TAGLN2: variants seen among roughly 807,000 people sequenced by gnomAD.
The protein encoded by TAGLN2 is transgelin-2.
Under a neutral mutation model 24.9 loss-of-function variants are expected in TAGLN2, and 14 were observed. The ratio of observed to expected loss-of-function variants is 0.56; its 90% confidence interval spans 0.37 to 0.88. The LOEUF (loss-of-function observed/expected upper bound fraction) is 0.88, where lower values mean the gene tolerates loss of function less well. TAGLN2 is among the 40% of genes least tolerant of loss of function. TAGLN2 has a pLI of 0.00. For synonymous variants in TAGLN2, 77 were observed against 98.2 expected, an observed-to-expected ratio of 0.78 and a Z score of 1.28; for missense variants, 208 against 258.9, an observed-to-expected ratio of 0.80 and a Z score of 1.35.
In TAGLN2 at chr1:159,920,420, C is replaced by T; in HGVS notation, c.90G>A (p.Leu30=). 1 of 1,614,224 alleles carries T rather than the reference C, an allele frequency of 6.2e-7. No homozygotes were observed. Among genetic ancestry groups the T allele is most frequent in the Non-Finnish European group, 8.5e-7 (1 of 1,180,052 alleles). Reference sequence around the variant, plus strand: ...GGCACTGGGTGGTGATCCACTGGATCAGGATCTGCTCCAGATCTGCATCAT... The same window carrying T: ...GGCACTGGGTGGTGATCCACTGGATTAGGATCTGCTCCAGATCTGCATCAT... ...KQYDADLEQI[L]IQWITTQCRK... Residue 30 remains leucine (L), a synonymous_variant, in exon 2 of 5, where the codon CTG becomes CTA. Transcript: ENST00000368097.
intron 3 of TAGLN2, 121 bp from the exon 4 acceptor site, chr1:159,919,497 T>A: frequency 7.6e-7 from 1 of 1,323,870 alleles, no homozygotes; most frequent in Non-Finnish European, 1.1e-6. Context: ...TTCCATACCC[T>A]TCTCCATTCC....
intron 3 of TAGLN2, 44 bp from the exon 4 acceptor site, chr1:159,919,420 G>A: frequency 6.3e-7 from 1 of 1,591,254 alleles, no homozygotes; most frequent in Non-Finnish European, 8.6e-7. Context: ...CAGTGTCCTA[G>A]ATACCAGGGT....
rs1650464724 is a variant in TAGLN2 at position 159,919,737 on chromosome 1, G to T, written c.279C>A (p.Ile93=). Residue 93 remains isoleucine, a synonymous_variant, in exon 3 of 5, where the codon ATC becomes ATA. Coordinates refer to ENST00000368097, the MANE Select transcript of TAGLN2 (RefSeq NM_003564.3). The part of the protein sequence containing the change: ...STMAFKQMEQ[I]SQFLQAAERY... ...GCTCAGCTGCTTGCAGGAACTGAGA[G>T]ATCTGCTCCATCTGCTTGAAGGCCA... 3 of 1,613,978 alleles carry T rather than the reference G, an allele frequency of 1.9e-6. No individual in the cohort carries two copies. In the East Asian group the frequency reaches 6.7e-5, roughly 36 times the overall value.
chr1:159,920,320 C>T lies in TAGLN2; in HGVS notation c.180+10G>A, dbSNP rs201338106. On this transcript the variant is annotated intron_variant, in intron 2 of 4. Transcript: ENST00000368097. ...CCTGCACTTCCAAGCCAGTGGGGCC[C>T]GGCTCTCACCGTGCCATCCTTGAGC... 1.9e-5 allele frequency: 30 copies of T among 1,614,066 alleles called. No individual in the cohort carries two copies. Among genetic ancestry groups the T allele is most frequent in the Middle Eastern group, 1.6e-4 (1 of 6,084 alleles).
At chr1:159,919,165 A>G (rs2101864751) in intron 4 of TAGLN2, 109 bp downstream of exon 4, 1 of 1,305,852 alleles carries the variant, frequency 7.7e-7, no homozygotes, top group East Asian at 2.3e-5. Context: ...ATTTTCTGAA[A>G]GTGCTTTGTA....
Position 159,918,611 on chromosome 1 carries a change from A to C in TAGLN2, c.*189T>G. On this transcript the variant is annotated 3_prime_UTR_variant, in exon 5 of 5. Transcript: ENST00000368097. ...AGTTTTGATGGCTATGGGGAAGGGA[A>C]TGTATTAGTAAGCATGGGGGAGAGG... 4.1e-6 allele frequency: 3 copies of C among 732,908 alleles called. No individual in the cohort carries two copies. Among genetic ancestry groups the C allele is most frequent in the Non-Finnish European group, 6.5e-6 (3 of 462,722 alleles). 45.4% of individuals were successfully genotyped at this position (732,908 alleles called of 1,614,324 possible).
rs751828913 is a variant in TAGLN2 at position 159,920,315 on chromosome 1, G to A, written c.180+15C>T. ...CTCTCCCTGCACTTCCAAGCCAGTG[G>A]GGCCCGGCTCTCACCGTGCCATCCT... is the stretch of plus-strand genomic sequence containing the variant. On this transcript the variant is annotated intron_variant, in intron 2 of 4. Transcript: ENST00000368097. 4 of 1,614,064 alleles carry A rather than the reference G, an allele frequency of 2.5e-6. No homozygotes were observed. The African/African-American group carries it at 5.3e-5, about 22-fold the overall frequency.
At chr1:159,922,587 G>T (rs1650567898) in intron 1 of TAGLN2, among the ~76,000 whole-genome samples, 1 of 152,172 alleles carries the variant, frequency 6.6e-6, no homozygotes, top group African/African-American at 2.4e-5. Context: ...AAGAGGAAGG[G>T]GCTAAGAGCT....
intron 3 of TAGLN2, 126 bp downstream of exon 3, chr1:159,919,535 G>T: frequency 1.5e-6 from 2 of 1,358,650 alleles, no homozygotes; most frequent in Non-Finnish European, 2.1e-6. Flanking sequence ...AGTGCTCCAT[G>T]GAACACAAAC....
intron 1 of TAGLN2, among the ~76,000 whole-genome samples, chr1:159,922,372 G>A (rs949958740): frequency 3.3e-5 from 5 of 152,230 alleles, no homozygotes; most frequent in Admixed American, 6.5e-5. Flanking sequence ...CCCCCAGCCC[G>A]AAAGCTGGGC....
At chr1:159,923,548 T>C (rs1336878585) in intron 1 of TAGLN2, 3 of 1,439,766 alleles carry the variant, frequency 2.1e-6, no homozygotes, top group Non-Finnish European at 1.9e-6. Context: ...CCATCCACCG[T>C]GCAGATGGAA....
chr1:159,921,151 G>A lies in TAGLN2; in HGVS notation c.-28-614C>T, dbSNP rs372186508. 4.6e-4 allele frequency among the ~76,000 whole-genome samples: 68 copies of A among 146,718 alleles called. 2 individuals carry two copies. The South Asian group carries it at 0.014, about 30-fold the overall frequency. On this transcript the variant is annotated intron_variant, in intron 1 of 4. Coordinates refer to ENST00000368097, the MANE Select transcript of TAGLN2 (RefSeq NM_003564.3). ...AAACAAATTCTACTTTCCCCTCTAG[G>A]AGCTATGACAGGCAGAATCATGCCC...
intron 3 of TAGLN2, 127 bp downstream of exon 3, chr1:159,919,534 T>C (rs1650456343): frequency 3.7e-6 from 5 of 1,357,374 alleles, no homozygotes; most frequent in African/African-American, 1.4e-5. Flanking sequence ...AAGTGCTCCA[T>C]GGAACACAAA....
rs1291024495 is a variant in TAGLN2, at chr1:159,923,482, G to A, written c.-29+1968C>T. The A allele has an allele frequency of 5.8e-6, 9 of 1,549,482 alleles. No homozygotes were observed. In the East Asian group the frequency reaches 2.2e-4, roughly 38 times the overall value. On this transcript the variant is annotated intron_variant, in intron 1 of 4. Transcript: ENST00000368097. ...GAAAAGGCGGACATGGGTGGGGGCAGGGAGGACTTCAGGGTTCTTGGCTAG... is the reference window on the plus strand; with the variant it reads ...GAAAAGGCGGACATGGGTGGGGGCAAGGAGGACTTCAGGGTTCTTGGCTAG...
At chr1:159,924,499 T>A (rs1452816833) in intron 1 of TAGLN2, 1 of 152,306 alleles carries the variant, frequency 6.6e-6, no homozygotes, top group Non-Finnish European at 1.5e-5. Flanking sequence ...CTCACAGATC[T>A]CCCAGGACAC....
At chr1:159,922,086 C>G (rs577715126) in intron 1 of TAGLN2, among the ~76,000 whole-genome samples, 1 of 152,362 alleles carries the variant, frequency 6.6e-6, no homozygotes, top group Non-Finnish European at 1.5e-5. Flanking sequence ...GATGAAGTCA[C>G]TCCAGCTCCC....
At chr1:159,920,718 G>C (rs1015991821) in intron 1 of TAGLN2, 181 bp from the exon 2 acceptor site, 2 of 816,670 alleles carry the variant, frequency 2.4e-6, no homozygotes, top group Non-Finnish European at 3.0e-6. Flanking sequence ...AGAATGATTT[G>C]GGGAGAGGAG....
At chr1:159,920,015 G>T in intron 2 of TAGLN2, 180 bp from the exon 3 acceptor site, 1 of 789,088 alleles carries the variant, frequency 1.3e-6, no homozygotes, top group Non-Finnish European at 2.1e-6. Flanking sequence ...CTTCCTCCGA[G>T]CCCAGAGTGA....
intron 1 of TAGLN2, 123 bp from the exon 2 acceptor site, chr1:159,920,660 C>T: frequency 6.9e-7 from 1 of 1,458,214 alleles, no homozygotes; most frequent in Non-Finnish European, 9.1e-7. Context: ...AGGATGAGGA[C>T]CAGAACTGTT....
Sources: gnomAD v4.1 joint callset for allele counts (sites outside exome capture counted in the v4.1 genomes callset) on GRCh38, gnomAD v4.1.1 for gene constraint, MANE v1.5 for transcripts, NCBI Gene and HGNC (gene_info 2026-07-23, HGNC 2026-07-21) for gene names.